PALS2: variants seen among roughly 807,000 people sequenced by gnomAD.
PALS2 encodes the protein protein PALS2.
PALS2 carries 27 observed loss-of-function variants against 61.6 expected under a neutral mutation model. The ratio of observed to expected loss-of-function variants is 0.44; its 90% confidence interval spans 0.32 to 0.60. The LOEUF (loss-of-function observed/expected upper bound fraction) is 0.60. Ranked by LOEUF, PALS2 falls within the 20% of genes least tolerant of loss-of-function variation. The pLI, the probability that PALS2 is intolerant of heterozygous loss-of-function variation, is 0.05. For missense variants in PALS2, 554 were observed against 639.4 expected (o/e 0.87, Z 1.44); for synonymous variants, 236 against 218.6 (o/e 1.08, Z -0.70).
At position 24,602,267 on chromosome 7, in the gene PALS2, T is replaced by G. The variant is rs1024032591; in HGVS notation, c.-2-21399T>G. 2.0e-5 allele frequency among the ~76,000 whole-genome samples: 3 copies of G among 152,200 alleles called. No homozygotes were observed. In the East Asian group the frequency reaches 5.8e-4, roughly 29 times the overall value. On this transcript the variant is annotated intron_variant, in intron 1 of 11. Transcript: ENST00000222644. ...TGATATTCTTCTTTTTCTTTGATAA[T>G]TTTTATAACTGTTTCTTTTTTCAAC... is the stretch of plus-strand genomic sequence containing the variant.
At chr7:24,589,662 CAT>C (rs1783207974) in intron 1 of PALS2, among the ~76,000 whole-genome samples, 1 of 152,138 alleles carries the variant, frequency 6.6e-6, no homozygotes, top group Non-Finnish European at 1.5e-5. Context: ...TAATGAGTAA[CAT>C]AGTTCTCTCA....
At position 24,595,499 on chromosome 7, in the gene PALS2, TAA is replaced by T. The variant is rs1783473094; in HGVS notation, c.-3+21907_-3+21908del. On this transcript the variant is annotated intron_variant, in intron 1 of 11. Coordinates refer to ENST00000222644, the MANE Select transcript of PALS2 (RefSeq NM_001303037.2). ...TATGTAAATATATATTATATATTTT[TAA>T]TATATATAATATATAATATATATAA... Among the ~76,000 whole-genome samples, 6 of 110,066 alleles carry T rather than the reference TAA, an allele frequency of 5.5e-5. No individual in the cohort carries two copies. In the South Asian group the frequency reaches 1.4e-3, roughly 26 times the overall value. The allele number at this position is 110,066 out of a possible 152,430, so 72.2% of individuals were successfully genotyped here. A position where few individuals can be genotyped will look rare whatever the true frequency, so the allele number is the denominator to read the frequency against.
intron 9 of PALS2, among the ~76,000 whole-genome samples, chr7:24,673,340 G>A (rs886383349): frequency 2.0e-5 from 3 of 152,090 alleles, no homozygotes; most frequent in Non-Finnish European, 2.9e-5. Context: ...ATATTTATAA[G>A]GGATATTGGT....
At chr7:24,593,961 A>G (rs989910094) in intron 1 of PALS2, among the ~76,000 whole-genome samples, 7 of 152,084 alleles carry the variant, frequency 4.6e-5, no homozygotes, top group East Asian at 1.9e-4. Context: ...TTCACTAGCT[A>G]TGAAATCCTA....
intron 7 of PALS2, 41 bp downstream of exon 7, chr7:24,665,728 G>A (rs113277801): frequency 6.5e-7 from 1 of 1,544,062 alleles, no homozygotes; most frequent in Non-Finnish European, 8.9e-7. Context: ...AGTCCTTTGT[G>A]ACCACCTTTC....
chr7:24,590,917 T>G (rs1783260889), intron 1 of PALS2, among the ~76,000 whole-genome samples: 1 of 151,940 alleles, frequency 6.6e-6, no homozygotes, highest in East Asian at 1.9e-4. Flanking sequence ...GAGAGAATTA[T>G]TTTCAGATTT....
rs74760726 is a variant in PALS2 at position 24,643,020 on chromosome 7, A to T, written c.270+1152A>T. 7.5e-3 allele frequency among the ~76,000 whole-genome samples: 1,139 copies of T among 152,282 alleles called. 8 individuals are homozygous for T. The highest frequency in any genetic ancestry group is 0.026 in the African/African-American group (1,061 of 41,554). ...GGCAGTACGTATAGATAGAAATTTA[A>T]AGACTTTCAAGTTTTAATGAATAAA... On this transcript the variant is annotated intron_variant, in intron 3 of 11. Coordinates refer to ENST00000222644, the MANE Select transcript of PALS2 (RefSeq NM_001303037.2).
intron 9 of PALS2, among the ~76,000 whole-genome samples, chr7:24,669,221 T>G (rs1787179967): frequency 6.6e-6 from 1 of 152,154 alleles, no homozygotes; most frequent in Non-Finnish European, 1.5e-5. Context: ...TGATGAGAAG[T>G]ATAACCATTA....
intron 2 of PALS2, among the ~76,000 whole-genome samples, chr7:24,636,154 G>C (rs1785225590): frequency 6.7e-6 from 1 of 149,842 alleles, no homozygotes; most frequent in African/African-American, 2.5e-5. Flanking sequence ...GGAGGTTGCA[G>C]TGAGCCGAGA....
chr7:24,667,948 G>A (rs1040092625), intron 8 of PALS2, among the ~76,000 whole-genome samples: 4 of 152,114 alleles, frequency 2.6e-5, no homozygotes, highest in South Asian at 4.2e-4. Context: ...TTACAGGCAT[G>A]AGCCACCATG....
intron 2 of PALS2, among the ~76,000 whole-genome samples, chr7:24,634,623 T>C (rs531439132): frequency 1.3e-5 from 2 of 152,348 alleles, no homozygotes; most frequent in South Asian, 4.1e-4. Flanking sequence ...AATCTTTTGC[T>C]AAATCCATGG....
intron 1 of PALS2, among the ~76,000 whole-genome samples, chr7:24,602,860 C>G (rs1234871344): frequency 6.6e-6 from 1 of 152,108 alleles, no homozygotes; most frequent in African/African-American, 2.4e-5. Context: ...TTCCTGTTCT[C>G]TTGATAGTAA....
At chr7:24,658,461 C>T (rs564590569) in intron 5 of PALS2, among the ~76,000 whole-genome samples, 3 of 152,082 alleles carry the variant, frequency 2.0e-5, no homozygotes, top group Non-Finnish European at 2.9e-5. Flanking sequence ...TCCCTCTTTG[C>T]GTGCTTGGCC....
intron 1 of PALS2, among the ~76,000 whole-genome samples, chr7:24,617,685 C>T (rs776571585): frequency 6.6e-6 from 1 of 152,140 alleles, no homozygotes; most frequent in African/African-American, 2.4e-5. Context: ...TTTGTGGCTG[C>T]GATGGTGCAG....
intron 2 of PALS2, among the ~76,000 whole-genome samples, chr7:24,637,296 CTT>C (rs35499781): frequency 0.02 from 2,202 of 109,436 alleles, 33 homozygotes; most frequent in African/African-American, 0.049. Context: ...ACTTACTCAT[CTT>C]TTTTTTTTTT....
rs1157256570 is a variant in PALS2 at position 24,693,299 on chromosome 7, G to T, written c.*5685G>T. ...TTTATTGTACTTCAGCCAACAGCAA[G>T]CCAGGGGAAGGAACATACATAAATA... On this transcript the variant is annotated 3_prime_UTR_variant, in exon 12 of 12. Transcript: ENST00000222644. 1 of 152,132 alleles carries T rather than the reference G, an allele frequency of 6.6e-6. No homozygotes were observed. Among genetic ancestry groups the T allele is most frequent in the Non-Finnish European group, 1.5e-5 (1 of 68,010 alleles). 9.4% of individuals were successfully genotyped at this position (152,132 alleles called of 1,614,324 possible).
intron 10 of PALS2, among the ~76,000 whole-genome samples, chr7:24,680,028 A>G (rs1024906373): frequency 9.9e-5 from 15 of 152,154 alleles, no homozygotes; most frequent in Non-Finnish European, 1.8e-4. Context: ...TAATTGCTAT[A>G]TAGTATGAAT....
intron 5 of PALS2, among the ~76,000 whole-genome samples, chr7:24,651,258 G>A (rs1257457143): frequency 1.3e-5 from 2 of 152,076 alleles, no homozygotes; most frequent in Non-Finnish European, 2.9e-5. Flanking sequence ...GTCTAGACTC[G>A]GTATGTTAAG....
chr7:24,638,326 T>TGGGTTC (rs1562631784), intron 2 of PALS2, among the ~76,000 whole-genome samples: 7 of 8,026 alleles, frequency 8.7e-4, no homozygotes, highest in Admixed American at 1.0e-3. Context: ...TATTTTCTTT[T>TGGGTTC]TTTTTTTTTT....
Sources: gnomAD v4.1 joint callset for allele counts (sites outside exome capture counted in the v4.1 genomes callset) on GRCh38, gnomAD v4.1.1 for gene constraint, MANE v1.5 for transcripts, NCBI Gene and HGNC (gene_info 2026-07-23, HGNC 2026-07-21) for gene names.